The following CEP250 variants were observed in gnomAD, a reference collection of about 807,000 sequenced individuals.
The protein encoded by CEP250 is centrosome-associated protein CEP250.
CEP250 carries 242 observed loss-of-function variants against 315.7 expected under a neutral mutation model. The ratio of observed to expected loss-of-function variants is 0.77; its 90% CI spans 0.69 to 0.85. The LOEUF (loss-of-function observed/expected upper bound fraction) is 0.85. Ranked by LOEUF, CEP250 falls within the 40% of genes least tolerant of loss-of-function variation. CEP250 has a pLI of 0.00. For missense variants in CEP250, 2,515 were observed against 2,886.4 expected (o/e 0.87, Z 2.95); for synonymous variants, 1,088 against 1,175.0 (o/e 0.93, Z 1.51).
chr20:35,466,774 C>T (rs78108371), intron 7 of CEP250, among the ~76,000 whole-genome samples, 192 bp from the exon 8 acceptor site: 2 of 152,082 alleles, frequency 1.3e-5, no homozygotes, highest in Non-Finnish European at 2.9e-5. Flanking sequence ...CATCCTAGGC[C>T]CTCTGACCTC....
rs930617948 is a variant in CEP250 at position 35,514,235 on chromosome 20, A to G, written c.*2609A>G. On this transcript the variant is annotated 3_prime_UTR_variant, in exon 35 of 35. Transcript: ENST00000397527. ...TGGCAGGGTATAACCAGAATGGTGA[A>G]TCCAGCAGACGGGAGGAGTCCCTGG... 3 of 152,274 alleles carry G rather than the reference A, an allele frequency of 2.0e-5. No individual in the cohort carries two copies. The highest frequency in any genetic ancestry group is 6.5e-5 in the Admixed American group (1 of 15,290). 9.4% of individuals were successfully genotyped at this position (152,274 alleles called of 1,614,324 possible). A position where few individuals can be genotyped will look rare whatever the true frequency, so the allele number is the denominator to read the frequency against.
intron 34 of CEP250, among the ~76,000 whole-genome samples, 181 bp from the exon 35 acceptor site, chr20:35,511,182 C>T (rs2064344978): frequency 6.6e-6 from 1 of 152,146 alleles, no homozygotes; most frequent in African/African-American, 2.4e-5. Flanking sequence ...TCACTGGATT[C>T]TAGAATTCCT....
Position 35,504,698 on chromosome 20 carries a change from T to C in CEP250, c.6329T>C (p.Ile2110Thr). Reference protein sequence around the residue: ...QLTLAQKEQEILELRETQQRN... With the variant: ...QLTLAQKEQETLELRETQQRN... ...ACTCTAGCCCAAAAGGAACAGGAGA[T>C]TCTGGAGCTGAGGGAGACCCAGCAA... is the stretch of plus-strand genomic sequence containing the variant. The change falls in exon 30 of 35, where the codon ATT (isoleucine) becomes ACT (threonine). Residue 2110 changes from isoleucine to threonine, a missense_variant. Transcript: ENST00000397527. 1 of 1,614,054 alleles carries C rather than the reference T, an allele frequency of 6.2e-7. No homozygotes were observed. The highest frequency in any genetic ancestry group is 8.5e-7 in the Non-Finnish European group (1 of 1,180,020).
At chr20:35,485,842 T>TA (rs2063497892) in intron 20 of CEP250, among the ~76,000 whole-genome samples, 1 of 130,760 alleles carries the variant, frequency 7.6e-6, no homozygotes, top group East Asian at 2.1e-4. Flanking sequence ...TTTTTTTTTT[T>TA]ATAGAGATGG....
intron 20 of CEP250, among the ~76,000 whole-genome samples, chr20:35,485,539 A>T (rs1287807857): frequency 1.3e-5 from 2 of 149,738 alleles, no homozygotes; most frequent in African/African-American, 4.9e-5. Context: ...CACCCAGGCT[A>T]GAGTATAGTG....
At chr20:35,459,759 G>A (rs1422114958) in intron 2 of CEP250, among the ~76,000 whole-genome samples, 1 of 152,130 alleles carries the variant, frequency 6.6e-6, no homozygotes, top group Admixed American at 6.5e-5. Flanking sequence ...CTGGGTGACA[G>A]AGCTAGATCC....
chr20:35,476,814 G>T (rs2063186706), intron 16 of CEP250: 3 of 442,876 alleles, frequency 6.8e-6, no homozygotes, highest in Non-Finnish European at 1.2e-5. Context: ...CCAAGGTTGG[G>T]AAGGGGCCCA....
At chr20:35,468,665 A>G (rs1359191689) in intron 9 of CEP250, among the ~76,000 whole-genome samples, 2 of 152,034 alleles carry the variant, frequency 1.3e-5, no homozygotes, top group Non-Finnish European at 2.9e-5. Flanking sequence ...TATACTAGAC[A>G]CTCAATACAT....
At chr20:35,494,684 C>A (rs754848021) in intron 24 of CEP250, 27 bp downstream of exon 24, 1 of 1,612,262 alleles carries the variant, frequency 6.2e-7, no homozygotes, top group South Asian at 1.1e-5. Context: ...ATGGAGGTGG[C>A]TTTTGTCTAT....
intron 20 of CEP250, among the ~76,000 whole-genome samples, chr20:35,486,318 T>C (rs1300880753): frequency 6.6e-6 from 1 of 152,116 alleles, no homozygotes; most frequent in Non-Finnish European, 1.5e-5. Flanking sequence ...TCTAGCTCAC[T>C]GAAGCTTCAA....
intron 14 of CEP250, chr20:35,474,813 G>C (rs904859191): frequency 1.1e-5 from 5 of 470,990 alleles, no homozygotes; most frequent in African/African-American, 1.0e-4. Flanking sequence ...GAAGATGAGA[G>C]CAATGTTTTG....
intron 12 of CEP250, 61 bp from the exon 13 acceptor site, chr20:35,473,313 G>T (rs2063072437): frequency 6.7e-7 from 1 of 1,483,908 alleles, no homozygotes; most frequent in Admixed American, 2.0e-5. Context: ...CACTTTCGGG[G>T]TTCTGACATC....
rs1300507084 is a variant in CEP250, at chr20:35,502,712, A to C, written c.4343A>C (p.Glu1448Ala). ...ETLRGQIQELEKQREMQKAAL... is the reference protein window; with the variant it reads ...ETLRGQIQELAKQREMQKAAL... ...CTGCGGGGACAAATCCAGGAACTGG[A>C]GAAGCAACGGGAAATGCAGAAGGCT... Residue 1448 changes from glutamate to alanine, a missense_variant, in exon 30 of 35, where the codon GAG becomes GCG. Coordinates refer to ENST00000397527, the MANE Select transcript of CEP250 (RefSeq NM_007186.6). 2 of 1,614,262 alleles carry C rather than the reference A, an allele frequency of 1.2e-6. No individual in the cohort carries two copies.
At position 35,476,505 on chromosome 20, in the gene CEP250, A is replaced by AG; in HGVS notation, c.1774dup (p.Ala592GlyfsTer2). On this transcript the variant is annotated frameshift_variant, in exon 16 of 35. Transcript: ENST00000397527. LOFTEE classifies it high-confidence loss of function. ...CTGAAAACACCCTGAAGACAGAAGT[A>AG]GCTGATCTTCGGGCTGCAGCTGTCA... is the stretch of plus-strand genomic sequence containing the variant. The AG allele has an allele frequency of 6.2e-7, 1 of 1,614,120 alleles. No homozygotes were observed. The highest frequency in any genetic ancestry group is 1.3e-5 in the African/African-American group (1 of 75,052).
chr20:35,466,099 G>A lies in CEP250; in HGVS notation c.387G>A (p.Val129=). ...QLRLHMEKAD[V]VNKALREDVE... ...GACTGCACATGGAAAAAGCTGACGTGGTGAATAAAGCCCTTAGGGAAGATG... is the reference window on the plus strand; with the variant it reads ...GACTGCACATGGAAAAAGCTGACGTAGTGAATAAAGCCCTTAGGGAAGATG... Residue 129 remains valine (V), a synonymous_variant, in exon 7 of 35, where the codon GTG becomes GTA. Transcript: ENST00000397527. 4 of 1,614,160 alleles carry A rather than the reference G, an allele frequency of 2.5e-6. No individual in the cohort carries two copies. Among genetic ancestry groups the A allele is most frequent in the Non-Finnish European group, 2.5e-6 (3 of 1,180,032 alleles).
At chr20:35,482,098 TAGA>T (rs1568791224) in intron 20 of CEP250, among the ~76,000 whole-genome samples, 75 of 151,548 alleles carry the variant, frequency 4.9e-4, no homozygotes, top group African/African-American at 1.3e-3. Flanking sequence ...GATAGATAGA[TAGA>T]TAGATTCACT....
chr20:35,497,695 T>G, intron 25 of CEP250, 24 bp from the exon 26 acceptor site: 1 of 1,498,632 alleles, frequency 6.7e-7, no homozygotes, highest in Admixed American at 2.1e-5. Context: ...CCTGCTTATA[T>G]TATGTAAAAT....
At chr20:35,496,217 A>C (rs912300992) in intron 24 of CEP250, among the ~76,000 whole-genome samples, 1 of 152,134 alleles carries the variant, frequency 6.6e-6, no homozygotes, top group Non-Finnish European at 1.5e-5. Context: ...CATGCCTGCA[A>C]TCCCAGCTAC....
At position 35,473,987 on chromosome 20, in the gene CEP250, T is replaced by C. The variant is rs1353111509; in HGVS notation, c.1506T>C (p.Ser502=). ...TGGAGCTTCAGCTGCAGGGGGACTC[T>C]GCCCAGGGCCAGAAGGAGGAACAGC... is the stretch of plus-strand genomic sequence containing the variant. ...VNVELQLQGD[S]AQGQKEEQQE... is the part of the protein sequence containing the mutation. The change falls in exon 14 of 35, where the codon TCT becomes TCC. Residue 502 remains serine, a synonymous_variant. Coordinates refer to ENST00000397527, the MANE Select transcript of CEP250 (RefSeq NM_007186.6). 1 of 1,607,468 alleles carries C rather than the reference T, an allele frequency of 6.2e-7. No homozygotes were observed. The highest frequency in any genetic ancestry group is 1.3e-5 in the African/African-American group (1 of 74,598).
Sources: gnomAD v4.1 joint callset for allele counts (sites outside exome capture counted in the v4.1 genomes callset) on GRCh38, gnomAD v4.1.1 for gene constraint, MANE v1.5 for transcripts, NCBI Gene and HGNC (gene_info 2026-07-23, HGNC 2026-07-21) for gene names.